DPY19L3: variants seen among roughly 807,000 people sequenced by gnomAD.
DPY19L3 encodes the protein dpy-19 like C-mannosyltransferase 3, also known as protein C-mannosyl-transferase DPY19L3.
In DPY19L3, 51 loss-of-function variants were observed where a neutral mutation model predicts 92.3. That is an observed-to-expected ratio of 0.55 (90% confidence interval 0.44 to 0.70). The LOEUF is 0.70. Ranked by LOEUF, DPY19L3 falls within the 30% of genes least tolerant of loss-of-function variation. The probability of loss-of-function intolerance (pLI) is 0.00; values close to 1 mark genes in which losing one functional copy is unlikely to be tolerated. For missense variants in DPY19L3, 706 were observed against 855.9 expected, an observed-to-expected ratio of 0.82 and a Z score of 2.18; for synonymous variants, 309 against 315.2, an observed-to-expected ratio of 0.98 and a Z score of 0.21.
chr19:32,471,384 T>C (rs1970353058), intron 16 of DPY19L3, among the ~76,000 whole-genome samples: 1 of 152,148 alleles, frequency 6.6e-6, no homozygotes. Context: ...GCCCATGCAA[T>C]CATCACGGCA....
Position 32,439,206 on chromosome 19 carries a change from C to T in DPY19L3, c.691C>T (p.Leu231=). The change falls in exon 7 of 19, where the codon CTG becomes TTG. Residue 231 remains leucine, a synonymous_variant. Coordinates refer to ENST00000392250, the MANE Select transcript of DPY19L3 (RefSeq NM_001172774.2). ...TCAGATAGCAGCAATTACATATTTC[C>T]TGAGACCAAACTTACAGCCTCTTTC... ...AIQIAAITYF[L]RPNLQPLSER... 1 of 1,613,548 alleles carries T rather than the reference C, an allele frequency of 6.2e-7. No homozygotes were observed. The highest frequency in any genetic ancestry group is 2.2e-5 in the East Asian group (1 of 44,868).
chr19:32,427,440 G>C (rs1216003234), intron 3 of DPY19L3, among the ~76,000 whole-genome samples: 1 of 152,026 alleles, frequency 6.6e-6, no homozygotes, highest in Non-Finnish European at 1.5e-5. Context: ...TTTCTTTTTA[G>C]TCTTTTTTCC....
chr19:32,477,809 T>C (rs1344139546), intron 17 of DPY19L3, among the ~76,000 whole-genome samples, 155 bp downstream of exon 17: 1 of 152,186 alleles, frequency 6.6e-6, no homozygotes. Context: ...AAGGCATACC[T>C]GACACTGGGC....
intron 17 of DPY19L3, 83 bp from the exon 18 acceptor site, chr19:32,480,316 C>T: frequency 2.0e-6 from 3 of 1,466,640 alleles, no homozygotes; most frequent in Non-Finnish European, 2.8e-6. Flanking sequence ...TTAGACTCAG[C>T]CCTGTGGAAG....
intron 16 of DPY19L3, among the ~76,000 whole-genome samples, chr19:32,473,212 C>G (rs1443279257): frequency 6.6e-6 from 1 of 152,160 alleles, no homozygotes; most frequent in Non-Finnish European, 1.5e-5. Context: ...CCTGTGAGTC[C>G]TTGTCATTAT....
At chr19:32,415,220 A>C (rs538438193) in intron 3 of DPY19L3, among the ~76,000 whole-genome samples, 1 of 152,206 alleles carries the variant, frequency 6.6e-6, no homozygotes, top group South Asian at 2.1e-4. Flanking sequence ...GGTGAGATAG[A>C]GAGCACTGTG....
Position 32,463,905 on chromosome 19 carries a change from C to T in DPY19L3, c.1482C>T (p.Phe494=), listed in dbSNP as rs374333795. 7 of 1,613,398 alleles carry T rather than the reference C, an allele frequency of 4.3e-6. No homozygotes were observed. In the South Asian group the frequency reaches 4.4e-5, roughly 10 times the overall value. ...KYLWTSHMCV[F]ASFGLCSPEI... ...TCTGGACGTCACACATGTGTGTGTT[C>T]GCATCATTCGGCCTATGTAGCCCTG... is the stretch of plus-strand genomic sequence containing the variant. Residue 494 remains phenylalanine (F), a synonymous_variant, in exon 14 of 19, where the codon TTC becomes TTT. Coordinates refer to ENST00000392250, the MANE Select transcript of DPY19L3 (RefSeq NM_001172774.2).
rs1970695326 is a variant in DPY19L3, at chr19:32,482,221, A to G, written c.2132A>G (p.Lys711Arg). 1 of 1,612,984 alleles carries G rather than the reference A, an allele frequency of 6.2e-7. No homozygotes were observed. ...CAGAACAAAACCTTCCACGTTTACA[A>G]GCTGTCCAGAAACAAGTAGCGCAGA... ...VFQNKTFHVY[K>R]LSRNK Residue 711 changes from lysine (K) to arginine (R), a missense_variant, in exon 19 of 19, where the codon AAG becomes AGG. Lys to Arg is a conservative substitution (Grantham distance 26). Transcript: ENST00000392250.
At chr19:32,468,022 A>G in intron 15 of DPY19L3, 5 of 984,996 alleles carry the variant, frequency 5.1e-6, no homozygotes, top group Non-Finnish European at 6.0e-6. Context: ...CAATTATATT[A>G]ATATATGTCA....
intron 3 of DPY19L3, among the ~76,000 whole-genome samples, chr19:32,419,855 A>ATTTT (rs1189166828): frequency 7.2e-5 from 8 of 111,860 alleles, no homozygotes; most frequent in Admixed American, 2.8e-4. Flanking sequence ...GCACTCCCCC[A>ATTTT]TTTTTTTTTT....
chr19:32,449,432 C>T (rs1411112543), intron 8 of DPY19L3, among the ~76,000 whole-genome samples: 2 of 152,196 alleles, frequency 1.3e-5, no homozygotes, highest in African/African-American at 2.4e-5. Flanking sequence ...TCCTGAAATT[C>T]ATATGGAAAC....
intron 8 of DPY19L3, among the ~76,000 whole-genome samples, chr19:32,441,153 A>G (rs888708504): frequency 6.6e-6 from 1 of 152,196 alleles, no homozygotes; most frequent in East Asian, 1.9e-4. Context: ...TTCTACCCCT[A>G]TAAGTTTGTC....
intron 3 of DPY19L3, among the ~76,000 whole-genome samples, chr19:32,417,065 T>C (rs566765651): frequency 2.6e-5 from 4 of 152,206 alleles, no homozygotes; most frequent in Non-Finnish European, 5.9e-5. Flanking sequence ...AAAGACACTC[T>C]CATCACTTAG....
Position 32,477,622 on chromosome 19 carries a change from G to T in DPY19L3, c.1798G>T (p.Glu600Ter). The stretch of plus-strand genomic sequence containing the variant: ...GACCCTAACCAACCACCCGCACTAT[G>T]AAGACAGCAGCCTGAGAGAGCGGAC... ...GRTLTNHPHYEDSSLRERTRA... is the reference protein window; with the variant it reads ...GRTLTNHPHY The change falls in exon 17 of 19, where the codon GAA (glutamate) becomes TAA (stop). Residue 600 changes from glutamate to a stop codon, truncating the protein, a stop_gained. Transcript: ENST00000392250. LOFTEE classifies it high-confidence loss of function. 3 of 1,614,164 alleles carry T rather than the reference G, an allele frequency of 1.9e-6. No homozygotes were observed. The highest frequency in any genetic ancestry group is 2.5e-6 in the Non-Finnish European group (3 of 1,180,022).
chr19:32,409,269 A>G lies in DPY19L3; in HGVS notation c.103+913A>G, dbSNP rs189411563. 1.4e-3 allele frequency among the ~76,000 whole-genome samples: 207 copies of G among 152,380 alleles called. 2 individuals carry two copies. Among genetic ancestry groups the G allele is most frequent in the Non-Finnish European group, 1.6e-3 (108 of 68,038 alleles). ...TGTCATATTCTGCACATGTATACCCATAAGCATTCGTATACAGTTTTGCAA... is the reference window on the plus strand; with the variant it reads ...TGTCATATTCTGCACATGTATACCCGTAAGCATTCGTATACAGTTTTGCAA... On this transcript the variant is annotated intron_variant, in intron 2 of 18. Transcript: ENST00000392250.
intron 3 of DPY19L3, among the ~76,000 whole-genome samples, chr19:32,423,222 T>C (rs1395211898): frequency 6.6e-6 from 1 of 151,922 alleles, no homozygotes; most frequent in Non-Finnish European, 1.5e-5. Context: ...ACAAAAGTAA[T>C]GTAGGTCTTG....
At chr19:32,445,379 T>A (rs1280069436) in intron 8 of DPY19L3, among the ~76,000 whole-genome samples, 1 of 133,610 alleles carries the variant, frequency 7.5e-6, no homozygotes, top group Non-Finnish European at 1.5e-5. Flanking sequence ...AGGCGGAGCT[T>A]GCAGTGAGTC....
At chr19:32,447,772 G>T (rs920603614) in intron 8 of DPY19L3, among the ~76,000 whole-genome samples, 1 of 119,278 alleles carries the variant, frequency 8.4e-6, no homozygotes, top group Non-Finnish European at 1.7e-5. Flanking sequence ...TAGATAGATA[G>T]ATAGATTAGA....
chr19:32,429,601 T>C (rs903266579), intron 3 of DPY19L3, among the ~76,000 whole-genome samples: 40 of 152,198 alleles, frequency 2.6e-4, no homozygotes, highest in African/African-American at 9.2e-4. Flanking sequence ...TTTAGTACTT[T>C]GAGCAGTGTT....
Sources: gnomAD v4.1 joint callset for allele counts (sites outside exome capture counted in the v4.1 genomes callset) on GRCh38, gnomAD v4.1.1 for gene constraint, MANE v1.5 for transcripts, NCBI Gene and HGNC (gene_info 2026-07-23, HGNC 2026-07-21) for gene names.